ATRN: variants seen among roughly 807,000 people sequenced by gnomAD.
ATRN encodes attractin, also known as attractin-2.
In ATRN, 54 loss-of-function variants were observed where a neutral mutation model predicts 178.7. The ratio of observed to expected loss-of-function variants is 0.30; its 90% CI spans 0.24 to 0.38. The LOEUF is 0.38. ATRN is among the 10% of genes least tolerant of loss of function. The pLI, the probability that ATRN is intolerant of heterozygous loss-of-function variation, is 1.00. For missense variants in ATRN, 1,443 were observed against 1,815.1 expected (o/e 0.79, Z 3.73); for synonymous variants, 636 against 663.0 (o/e 0.96, Z 0.63).
At chr20:3,617,664 G>GA (rs1568768227) in intron 24 of ATRN, among the ~76,000 whole-genome samples, 1 of 151,396 alleles carries the variant, frequency 6.6e-6, no homozygotes, top group Non-Finnish European at 1.5e-5. Context: ...TACTAAAAAA[G>GA]AAAAAAAATT....
intron 1 of ATRN, among the ~76,000 whole-genome samples, chr20:3,501,933 C>T (rs1007162613): frequency 3.3e-5 from 5 of 152,104 alleles, no homozygotes; most frequent in African/African-American, 1.2e-4. Context: ...GGGCTACACC[C>T]TGTGCTTAAG....
At chr20:3,499,370 C>T (rs1027943751) in intron 1 of ATRN, among the ~76,000 whole-genome samples, 28 of 136,920 alleles carry the variant, frequency 2.0e-4, no homozygotes, top group East Asian at 8.1e-4. Context: ...GAGCCCGCAT[C>T]GCCAAGTCAA....
chr20:3,493,201 G>A (rs1428260105), intron 1 of ATRN, among the ~76,000 whole-genome samples: 1 of 150,702 alleles, frequency 6.6e-6, no homozygotes, highest in Non-Finnish European at 1.5e-5. Context: ...CCACCAGGCT[G>A]GAGTGCAGTG....
chr20:3,571,520 C>T (rs1199632685), intron 11 of ATRN, among the ~76,000 whole-genome samples: 1 of 151,068 alleles, frequency 6.6e-6, no homozygotes, highest in Non-Finnish European at 1.5e-5. Flanking sequence ...GTGCCTTTTG[C>T]CCCATAGTCT....
At chr20:3,523,465 A>G (rs2085323477) in intron 1 of ATRN, among the ~76,000 whole-genome samples, 1 of 152,194 alleles carries the variant, frequency 6.6e-6, no homozygotes, top group Non-Finnish European at 1.5e-5. Flanking sequence ...AGTGATGGGG[A>G]GAATGGAACC....
chr20:3,587,929 TC>T (rs1473401190), intron 18 of ATRN, among the ~76,000 whole-genome samples: 1 of 152,182 alleles, frequency 6.6e-6, no homozygotes, highest in African/African-American at 2.4e-5. Flanking sequence ...CACTGCAGCC[TC>T]CGCTTTCCCA....
At position 3,471,367 on chromosome 20, in the gene ATRN, C is replaced by CGGCGGCGGT; in HGVS notation, c.262_270dup (p.Ala88_Val90dup). The CGGCGGCGGT allele has an allele frequency of 1.3e-6, 2 of 1,482,100 alleles. No individual in the cohort carries two copies. Among genetic ancestry groups the CGGCGGCGGT allele is most frequent in the Non-Finnish European group, 1.8e-6 (2 of 1,125,970 alleles). 91.8% of individuals were successfully genotyped at this position (1,482,100 alleles called of 1,614,324 possible). ...TGTGAGGCCGAGGCCGCGGCGGCGGCGGCGGCGGTGTCGGGCTCAGCCGCA... is the reference window on the plus strand; with the variant it reads ...TGTGAGGCCGAGGCCGCGGCGGCGGCGGCGGCGGTGGCGGCGGTGTCGGGCTCAGCCGCA... On this transcript the variant is annotated inframe_insertion, in exon 1 of 29. Coordinates refer to ENST00000262919, the MANE Select transcript of ATRN (RefSeq NM_139321.3).
In ATRN at chr20:3,572,822, G is replaced by A. The variant is rs1281221323; in HGVS notation, c.1963G>A (p.Ala655Thr). The A allele has an allele frequency of 6.2e-7, 1 of 1,613,864 alleles. No homozygotes were observed. Among genetic ancestry groups the A allele is most frequent in the Non-Finnish European group, 8.5e-7 (1 of 1,179,986 alleles). Reference protein sequence around the residue: ...SEQCDAHRSEAACLAAGPGIR... With the variant: ...SEQCDAHRSETACLAAGPGIR... The stretch of plus-strand genomic sequence containing the variant: ...ACAGTGTGATGCGCATCGGAGTGAA[G>A]CCGCTTGTTTAGCAGCAGGACCTGG... Residue 655 changes from alanine to threonine, a missense_variant, in exon 12 of 29, where the codon GCC becomes ACC. By Grantham distance (58) the Ala-to-Thr change is moderately conservative. Transcript: ENST00000262919.
intron 24 of ATRN, among the ~76,000 whole-genome samples, chr20:3,606,653 A>G (rs557802701): frequency 5.3e-5 from 8 of 152,310 alleles, no homozygotes; most frequent in African/African-American, 1.2e-4. Flanking sequence ...TGTACAAGCT[A>G]GGGCCTGATG....
chr20:3,574,126 G>A (rs1012063626), intron 12 of ATRN, among the ~76,000 whole-genome samples: 12 of 152,204 alleles, frequency 7.9e-5, no homozygotes, highest in Non-Finnish European at 1.0e-4. Context: ...GATTGGTGTT[G>A]CAGTTAACTT....
intron 11 of ATRN, among the ~76,000 whole-genome samples, chr20:3,568,984 CAAG>C (rs1288704519): frequency 2.0e-5 from 3 of 152,102 alleles, no homozygotes; most frequent in Admixed American, 2.0e-4. Flanking sequence ...ATAGTTGAAA[CAAG>C]AAGGGAGAGC....
chr20:3,485,610 G>GTTTTTTTTTTTTTTTTTTTTTTTTTTT (rs3084238), intron 1 of ATRN, among the ~76,000 whole-genome samples: 3 of 67,922 alleles, frequency 4.4e-5, no homozygotes, highest in Non-Finnish European at 5.7e-5. Flanking sequence ...TTTTTTTGAG[G>GTTTTTTTTTTTTTTTTTTTTTTTTTTT]TTTTTTTTTT....
At chr20:3,598,946 C>A (rs760682280) in intron 22 of ATRN, among the ~76,000 whole-genome samples, 5 of 152,108 alleles carry the variant, frequency 3.3e-5, no homozygotes, top group Non-Finnish European at 7.4e-5. Context: ...CAAATGTTAT[C>A]TATAAACATT....
intron 24 of ATRN, among the ~76,000 whole-genome samples, chr20:3,618,368 A>G (rs553955645): frequency 2.6e-5 from 4 of 152,218 alleles, no homozygotes; most frequent in Non-Finnish European, 5.9e-5. Context: ...GAAGAACTGA[A>G]AAGTAACCTA....
intron 21 of ATRN, among the ~76,000 whole-genome samples, chr20:3,597,056 C>G: frequency 3.8e-5 from 1 of 26,130 alleles, no homozygotes; most frequent in East Asian, 0.029. Flanking sequence ...GTGAATATGA[C>G]TTCATATATA....
At chr20:3,626,692 C>G (rs979739940) in intron 25 of ATRN, among the ~76,000 whole-genome samples, 1 of 152,084 alleles carries the variant, frequency 6.6e-6, no homozygotes, top group Admixed American at 6.6e-5. Context: ...TCACTCACAA[C>G]CCCCTGCCTC....
intron 1 of ATRN, among the ~76,000 whole-genome samples, chr20:3,482,869 A>T (rs2084640891): frequency 6.6e-6 from 1 of 152,218 alleles, no homozygotes. Context: ...ACTAACTATA[A>T]CTTCCTATTA....
rs1488271389 is a variant in ATRN at position 3,489,836 on chromosome 20, A to G, written c.410+18319A>G. On this transcript the variant is annotated intron_variant, in intron 1 of 28. Transcript: ENST00000262919. ...CACAGTTATAGTTGATATTTAGGCC[A>G]TGAAGCTTATATAGCCAGTAGGGAA... The G allele has an allele frequency of 3.2e-6, 4 of 1,259,296 alleles. No homozygotes were observed. In the Admixed American group the frequency reaches 5.1e-5, roughly 16 times the overall value. The allele number at this position is 1,259,296 out of a possible 1,614,324, so 78.0% of individuals were successfully genotyped here.
intron 24 of ATRN, among the ~76,000 whole-genome samples, chr20:3,617,543 G>A (rs1345996902): frequency 6.6e-6 from 1 of 152,112 alleles, no homozygotes; most frequent in Admixed American, 6.5e-5. Flanking sequence ...AAGAAGCTGA[G>A]CATGGTAGCT....
Sources: allele counts gnomAD v4.1 joint callset (sites outside exome capture counted in the v4.1 genomes callset), GRCh38; gene constraint gnomAD v4.1.1; transcripts MANE v1.5; gene names NCBI Gene and HGNC (gene_info 2026-07-23, HGNC 2026-07-21).